EHF: variants seen among roughly 807,000 people sequenced by gnomAD.
EHF encodes ESE3 transcription factor.
EHF carries 14 observed loss-of-function variants against 45.1 expected under a neutral mutation model. The observed-to-expected ratio is 0.31, with a 90% CI of 0.21 to 0.49. EHF has a LOEUF of 0.49. Ranked by LOEUF, EHF falls within the 20% of genes least tolerant of loss-of-function variation. EHF has a pLI of 0.99. For missense variants in EHF, 282 were observed against 371.4 expected, an observed-to-expected ratio of 0.76 and a Z score of 1.98; for synonymous variants, 136 against 131.8, an observed-to-expected ratio of 1.03 and a Z score of -0.22.
chr11:34,656,876 G>C (rs1275343111), intron 6 of EHF, 32 bp from the exon 7 acceptor site: 2 of 1,608,466 alleles, frequency 1.2e-6, no homozygotes, highest in African/African-American at 2.7e-5. Flanking sequence ...TAGGAAATAG[G>C]TCAATTAAAC....
chr11:34,660,967 A>G lies in EHF; in HGVS notation c.*2036A>G, dbSNP rs1471008730. 4 of 152,192 alleles carry G rather than the reference A, an allele frequency of 2.6e-5. No individual in the cohort carries two copies. The highest frequency in any genetic ancestry group is 5.9e-5 in the Non-Finnish European group (4 of 68,014). The allele number at this position is 152,192 out of a possible 1,614,324, so 9.4% of individuals were successfully genotyped here. On this transcript the variant is annotated 3_prime_UTR_variant, in exon 9 of 9. Coordinates refer to ENST00000257831, the MANE Select transcript of EHF (RefSeq NM_012153.6). ...TGAATAACTTTCTGAAGGTGCAACC[A>G]AATCCATTTTTATTTCTGCCTGGCT...
chr11:34,638,334 A>G (rs1320015454), intron 1 of EHF, among the ~76,000 whole-genome samples: 1 of 152,224 alleles, frequency 6.6e-6, no homozygotes, highest in African/African-American at 2.4e-5. Context: ...GGTGGCTCTG[A>G]TACCCAGTGT....
intron 4 of EHF, among the ~76,000 whole-genome samples, chr11:34,651,174 C>T (rs1855125014): frequency 6.6e-6 from 1 of 151,816 alleles, no homozygotes; most frequent in Non-Finnish European, 1.5e-5. Flanking sequence ...TTCCCCCCCA[C>T]CACACTCTAG....
intron 5 of EHF, 36 bp from the exon 6 acceptor site, chr11:34,651,701 G>T: frequency 6.2e-7 from 1 of 1,612,106 alleles, no homozygotes; most frequent in Non-Finnish European, 8.5e-7. Context: ...GGGGGAGGGG[G>T]TGCTCTAAAT....
intron 1 of EHF, chr11:34,622,432 T>C (rs1852045928): frequency 4.7e-6 from 6 of 1,280,844 alleles, no homozygotes; most frequent in Non-Finnish European, 6.1e-6. Context: ...GATGTGTTGA[T>C]AGTCTTTCAA....
intron 4 of EHF, among the ~76,000 whole-genome samples, chr11:34,649,910 A>G (rs1854976137): frequency 6.6e-6 from 1 of 152,242 alleles, no homozygotes; most frequent in Admixed American, 6.5e-5. Flanking sequence ...CTTGGGGCCA[A>G]AATTGGCCCA....
chr11:34,625,399 G>T (rs1272599533), intron 1 of EHF, among the ~76,000 whole-genome samples: 5 of 152,170 alleles, frequency 3.3e-5, no homozygotes, highest in Non-Finnish European at 7.3e-5. Context: ...AAAGCAGCCC[G>T]CCAGAAAATG....
intron 1 of EHF, among the ~76,000 whole-genome samples, chr11:34,637,847 A>G (rs757708120): frequency 2.6e-5 from 4 of 152,166 alleles, no homozygotes; most frequent in Middle Eastern, 6.8e-3. Context: ...GAAAAAGGAT[A>G]GGGAAATATA....
chr11:34,651,074 A>G (rs1565042427), intron 4 of EHF, among the ~76,000 whole-genome samples: 1 of 152,100 alleles, frequency 6.6e-6, no homozygotes, highest in African/African-American at 2.4e-5. Context: ...TAAGATTGAC[A>G]AGACTCTTCC....
intron 6 of EHF, among the ~76,000 whole-genome samples, chr11:34,652,256 C>T (rs1855243724): frequency 6.6e-6 from 1 of 152,172 alleles, no homozygotes; most frequent in Admixed American, 6.5e-5. Context: ...GAAGGGGTAG[C>T]CATTGGAAAC....
chr11:34,621,430 T>A (rs182794054), intron 1 of EHF, among the ~76,000 whole-genome samples: 35 of 151,002 alleles, frequency 2.3e-4, no homozygotes, highest in African/African-American at 8.2e-4. Flanking sequence ...CTACTTTGGA[T>A]ATTATCTGTG....
chr11:34,624,955 G>A (rs12279636), intron 1 of EHF, among the ~76,000 whole-genome samples: 2,199 of 152,148 alleles, frequency 0.014, 60 homozygotes, highest in African/African-American at 0.05. Context: ...CCTCCTCTAG[G>A]CAAAAGGGTT....
chr11:34,624,205 G>A (rs891455296), intron 1 of EHF: 2 of 864,994 alleles, frequency 2.3e-6, no homozygotes, highest in Admixed American at 1.2e-4. Flanking sequence ...GTTGTGGGTG[G>A]GGCCCTGGTT....
chr11:34,645,316 C>T (rs286902), intron 2 of EHF, among the ~76,000 whole-genome samples: 89,968 of 152,036 alleles, frequency 0.59, 27,598 homozygotes, highest in South Asian at 0.82. Flanking sequence ...TCTTCATTGG[C>T]ATCTGAATGT....
chr11:34,641,693 T>A (rs1272081963), intron 1 of EHF, among the ~76,000 whole-genome samples: 1 of 152,228 alleles, frequency 6.6e-6, no homozygotes, highest in Non-Finnish European at 1.5e-5. Flanking sequence ...TTTAAATGAC[T>A]GAACACACGG....
intron 4 of EHF, 99 bp from the exon 5 acceptor site, chr11:34,651,442 AC>A: frequency 1.1e-6 from 1 of 928,648 alleles, no homozygotes; most frequent in Non-Finnish European, 1.7e-6. Context: ...ACCACTCCTC[AC>A]CCCCCATACT....
At chr11:34,625,026 G>A (rs1203811052) in intron 1 of EHF, among the ~76,000 whole-genome samples, 1 of 152,158 alleles carries the variant, frequency 6.6e-6, no homozygotes, top group East Asian at 1.9e-4. Flanking sequence ...TGGTGATTGG[G>A]GGTGGTGGGA....
chr11:34,655,322 T>A (rs1855557861), intron 6 of EHF, among the ~76,000 whole-genome samples: 1 of 152,174 alleles, frequency 6.6e-6, no homozygotes, highest in African/African-American at 2.4e-5. Context: ...GATAAGATGG[T>A]TGAAAGGGCC....
intron 7 of EHF, among the ~76,000 whole-genome samples, chr11:34,658,193 T>C (rs1855839836): frequency 6.6e-6 from 1 of 152,032 alleles, no homozygotes; most frequent in African/African-American, 2.4e-5. Context: ...CCCAAGCAAT[T>C]TGTGGATAAT....
Sources: gnomAD v4.1 joint callset for allele counts (sites outside exome capture counted in the v4.1 genomes callset) on GRCh38, gnomAD v4.1.1 for gene constraint, MANE v1.5 for transcripts, NCBI Gene and HGNC (gene_info 2026-07-23, HGNC 2026-07-21) for gene names.